The following ROBO2 variants were observed in gnomAD, a reference collection of about 807,000 sequenced individuals.
ROBO2 encodes roundabout guidance receptor 2.
Under a neutral mutation model 160.8 loss-of-function variants are expected in ROBO2, and 53 were observed. That is an observed-to-expected ratio of 0.33 (90% confidence interval 0.26 to 0.41). ROBO2 has a LOEUF of 0.41. Among genes scored for constraint, ROBO2 ranks in the 10% least tolerant of loss-of-function variants. The probability of loss-of-function intolerance (pLI) is 1.00; values close to 1 mark genes in which losing one functional copy is unlikely to be tolerated. For missense variants in ROBO2, 1,577 were observed against 1,722.4 expected (o/e 0.92, Z 1.49); for synonymous variants, 664 against 611.7 (o/e 1.09, Z -1.26).
At chr3:76,099,832 G>T (rs987361840) in intron 2 of ROBO2, among the ~76,000 whole-genome samples, 3 of 152,116 alleles carry the variant, frequency 2.0e-5, no homozygotes, top group Non-Finnish European at 2.9e-5. Context: ...GCTGGCTAAC[G>T]GCAAGTGCAG....
chr3:77,400,505 G>A (rs1217539502), intron 2 of ROBO2, among the ~76,000 whole-genome samples: 1 of 152,132 alleles, frequency 6.6e-6, no homozygotes, highest in Non-Finnish European at 1.5e-5. Flanking sequence ...GTTCACTTTA[G>A]ACATTAGAAA....
chr3:76,216,979 T>G (rs545244729), intron 2 of ROBO2, among the ~76,000 whole-genome samples: 1 of 152,194 alleles, frequency 6.6e-6, no homozygotes, highest in Non-Finnish European at 1.5e-5. Context: ...CACAGTGCAA[T>G]CAAACTAGAA....
At chr3:75,989,119 T>TTTTG (rs201590381) in intron 2 of ROBO2, among the ~76,000 whole-genome samples, 11 of 152,012 alleles carry the variant, frequency 7.2e-5, no homozygotes, top group Non-Finnish European at 1.5e-4. Flanking sequence ...GTTGTTGTTG[T>TTTTG]TTTGTTTGTT....
chr3:76,369,082 T>C (rs1049279644), intron 2 of ROBO2, among the ~76,000 whole-genome samples: 1 of 152,020 alleles, frequency 6.6e-6, no homozygotes, highest in Admixed American at 6.6e-5. Flanking sequence ...TAGAGTACTA[T>C]GTAAGCAGTG....
intron 2 of ROBO2, among the ~76,000 whole-genome samples, chr3:76,831,979 T>A (rs755191696): frequency 7.9e-5 from 12 of 152,170 alleles, no homozygotes; most frequent in Non-Finnish European, 1.5e-4. Flanking sequence ...AAGCAGTTTA[T>A]GAAATTTAGG....
At chr3:76,808,814 A>C (rs267152) in intron 2 of ROBO2, among the ~76,000 whole-genome samples, 16,466 of 152,064 alleles carry the variant, frequency 0.11, 1,118 homozygotes, top group Middle Eastern at 0.16. Flanking sequence ...AGCCAAGTAT[A>C]GTCATTATAT....
At chr3:76,765,118 TC>T (rs1045413144) in intron 2 of ROBO2, among the ~76,000 whole-genome samples, 9 of 151,698 alleles carry the variant, frequency 5.9e-5, no homozygotes, top group African/African-American at 2.2e-4. Flanking sequence ...ATGTCCATTT[TC>T]TTTAATAGTT....
chr3:76,741,893 C>A (rs1353334229), intron 2 of ROBO2, among the ~76,000 whole-genome samples: 2 of 151,878 alleles, frequency 1.3e-5, no homozygotes, highest in Non-Finnish European at 2.9e-5. Flanking sequence ...AGGTAAATGG[C>A]CTTCTTTTTA....
At chr3:76,066,224 A>G (rs969023081) in intron 2 of ROBO2, among the ~76,000 whole-genome samples, 13 of 152,168 alleles carry the variant, frequency 8.5e-5, no homozygotes, top group Non-Finnish European at 1.2e-4. Context: ...ATGACATGCT[A>G]ATAACTCACT....
intron 2 of ROBO2, among the ~76,000 whole-genome samples, chr3:76,664,196 A>G (rs924567986): frequency 2.0e-5 from 3 of 152,218 alleles, no homozygotes; most frequent in Non-Finnish European, 4.4e-5. Flanking sequence ...AGAAGCTGTT[A>G]TGTCTATTCT....
chr3:75,966,065 G>A (rs1949098595), intron 2 of ROBO2, among the ~76,000 whole-genome samples: 1 of 151,700 alleles, frequency 6.6e-6, no homozygotes, highest in South Asian at 2.1e-4. Context: ...GAGGTCACAA[G>A]CATGTTCATC....
chr3:76,183,588 G>A (rs528348640), intron 2 of ROBO2, among the ~76,000 whole-genome samples: 1 of 151,900 alleles, frequency 6.6e-6, no homozygotes, highest in African/African-American at 2.4e-5. Context: ...ATTAAGTAAA[G>A]AGCTGTCATA....
chr3:76,999,245 G>A (rs2061204544), intron 2 of ROBO2, among the ~76,000 whole-genome samples: 1 of 151,822 alleles, frequency 6.6e-6, no homozygotes, highest in African/African-American at 2.4e-5. Context: ...TCTTTACTCA[G>A]ACTCAGGATT....
intron 2 of ROBO2, among the ~76,000 whole-genome samples, chr3:77,181,648 TA>T (rs1266942055): frequency 6.6e-6 from 1 of 152,054 alleles, no homozygotes; most frequent in East Asian, 1.9e-4. Flanking sequence ...TTTAACCAAA[TA>T]AAATGTTTCG....
intron 2 of ROBO2, chr3:76,434,926 C>T: frequency 1.2e-6 from 2 of 1,600,082 alleles, no homozygotes; most frequent in Non-Finnish European, 1.7e-6. Flanking sequence ...CAAACCAGCC[C>T]ATCCCCCAAA....
At chr3:77,140,311 T>C (rs2076605497) in intron 2 of ROBO2, among the ~76,000 whole-genome samples, 1 of 152,092 alleles carries the variant, frequency 6.6e-6, no homozygotes, top group Non-Finnish European at 1.5e-5. Flanking sequence ...ATAACTAGAT[T>C]CTGGGTGAAC....
chr3:77,542,237 C>T (rs2092495867), intron 6 of ROBO2, among the ~76,000 whole-genome samples: 1 of 152,164 alleles, frequency 6.6e-6, no homozygotes, highest in South Asian at 2.1e-4. Context: ...AGATCTAGGG[C>T]AGACAGAGAG....
intron 2 of ROBO2, among the ~76,000 whole-genome samples, chr3:77,379,847 A>C (rs562706596): frequency 2.0e-5 from 3 of 152,178 alleles, no homozygotes; most frequent in Non-Finnish European, 2.9e-5. Context: ...AATGACAGCC[A>C]GCTCAGACTC....
At chr3:75,967,714 A>G (rs544602138) in intron 2 of ROBO2, among the ~76,000 whole-genome samples, 1 of 151,702 alleles carries the variant, frequency 6.6e-6, no homozygotes, top group African/African-American at 2.4e-5. Context: ...ATGCATAGTT[A>G]CCATGCATTA....
Sources: gnomAD v4.1 joint callset for allele counts (sites outside exome capture counted in the v4.1 genomes callset) on GRCh38, gnomAD v4.1.1 for gene constraint, MANE v1.5 for transcripts, NCBI Gene and HGNC (gene_info 2026-07-23, HGNC 2026-07-21) for gene names.